PDE4D: variants seen among roughly 807,000 people sequenced by gnomAD.
The protein encoded by PDE4D is phosphodiesterase 4D, also known as 3',5'-cyclic-AMP phosphodiesterase 4D.
A neutral mutation model predicts 87.4 loss-of-function variants in PDE4D; 24 were observed. That is an observed-to-expected ratio of 0.27 (90% confidence interval 0.20 to 0.39). The LOEUF is 0.39. Ranked by LOEUF, PDE4D falls within the 10% of genes least tolerant of loss-of-function variation. PDE4D has a pLI of 1.00. For synonymous variants in PDE4D, 384 were observed against 383.2 expected (o/e 1.00, Z -0.02); for missense variants, 714 against 1,041.0 (o/e 0.69, Z 4.32).
intron 1 of PDE4D, among the ~76,000 whole-genome samples, chr5:59,792,438 G>GTGTGTGTGTGTGTGTT (rs1491110404): frequency 6.7e-6 from 1 of 148,866 alleles, no homozygotes; most frequent in African/African-American, 2.5e-5. Flanking sequence ...GTGTGTGTGT[G>GTGTGTGTGTGTGTGTT]TTTTGAGGAA....
intron 3 of PDE4D, among the ~76,000 whole-genome samples, chr5:59,984,462 T>G (rs932903381): frequency 6.6e-6 from 1 of 152,226 alleles, no homozygotes; most frequent in Non-Finnish European, 1.5e-5. Context: ...AATTCTGTTT[T>G]CTGTTCATTT....
intron 1 of PDE4D, among the ~76,000 whole-genome samples, chr5:59,429,351 G>C (rs978323436): frequency 3.3e-5 from 5 of 152,098 alleles, no homozygotes; most frequent in Non-Finnish European, 7.4e-5. Context: ...TGATACTCTG[G>C]AGAAAAGAAT....
chr5:60,329,973 C>T (rs903348440), intron 1 of PDE4D, among the ~76,000 whole-genome samples: 1 of 152,214 alleles, frequency 6.6e-6, no homozygotes, highest in Non-Finnish European at 1.5e-5. Flanking sequence ...TGTCAGTGAG[C>T]AAACAGCTCT....
At chr5:59,608,757 G>C (rs986326444) in intron 1 of PDE4D, among the ~76,000 whole-genome samples, 1 of 152,086 alleles carries the variant, frequency 6.6e-6, no homozygotes, top group African/African-American at 2.4e-5. Context: ...CATCTTTGTA[G>C]AGTCCCCCTC....
intron 1 of PDE4D, among the ~76,000 whole-genome samples, chr5:60,423,769 G>T (rs1743362620): frequency 6.6e-6 from 1 of 151,916 alleles, no homozygotes; most frequent in African/African-American, 2.4e-5. Flanking sequence ...TTGGTTTTTT[G>T]AAAAGATCAA....
intron 1 of PDE4D, chr5:59,356,936 A>T: frequency 6.4e-6 from 9 of 1,403,108 alleles, no homozygotes; most frequent in Non-Finnish European, 7.3e-6. Context: ...ACGGAGCAGG[A>T]GGCACTTGTA....
intron 1 of PDE4D, among the ~76,000 whole-genome samples, chr5:60,388,417 A>G (rs115657154): frequency 0.023 from 3,453 of 151,698 alleles, 124 homozygotes; most frequent in African/African-American, 0.08. Context: ...TGGGATAAAT[A>G]TGCAGAACGT....
intron 1 of PDE4D, among the ~76,000 whole-genome samples, chr5:59,551,492 C>CAT (rs1818116062): frequency 6.6e-6 from 1 of 151,550 alleles, no homozygotes; most frequent in East Asian, 1.9e-4. Context: ...CACACACACA[C>CAT]ACAAATACAT....
chr5:60,210,005 A>G (rs1233170506), intron 1 of PDE4D, among the ~76,000 whole-genome samples: 1 of 152,200 alleles, frequency 6.6e-6, no homozygotes, highest in Non-Finnish European at 1.5e-5. Context: ...AGGAAAATAC[A>G]CAGCAGCTCA....
chr5:59,747,333 C>CATA, intron 1 of PDE4D, among the ~76,000 whole-genome samples: 1 of 152,306 alleles, frequency 6.6e-6, no homozygotes, highest in South Asian at 2.1e-4. Context: ...AATATGGCAG[C>CATA]ATAATCACTT....
chr5:60,242,630 T>G (rs1747258937), intron 1 of PDE4D, among the ~76,000 whole-genome samples: 1 of 152,022 alleles, frequency 6.6e-6, no homozygotes, highest in Non-Finnish European at 1.5e-5. Flanking sequence ...TAATATCAAC[T>G]ATCTCCTCCA....
At chr5:60,320,576 C>G (rs770741194) in intron 1 of PDE4D, among the ~76,000 whole-genome samples, 2 of 152,166 alleles carry the variant, frequency 1.3e-5, no homozygotes, top group East Asian at 3.9e-4. Context: ...GCATCGCTCA[C>G]GCTGGGAGCT....
chr5:59,071,208 A>G (rs1286033092), intron 5 of PDE4D, among the ~76,000 whole-genome samples: 1 of 152,166 alleles, frequency 6.6e-6, no homozygotes, highest in Non-Finnish European at 1.5e-5. Context: ...TGATCCTTCT[A>G]TACGATACGA....
At chr5:59,683,953 G>A (rs1168320700) in intron 1 of PDE4D, among the ~76,000 whole-genome samples, 1 of 152,102 alleles carries the variant, frequency 6.6e-6, no homozygotes, top group African/African-American at 2.4e-5. Context: ...GCCAAGACCC[G>A]ATGCCCCATA....
At chr5:59,194,308 C>T (rs1422519975) in intron 2 of PDE4D, among the ~76,000 whole-genome samples, 3 of 152,198 alleles carry the variant, frequency 2.0e-5, no homozygotes, top group Non-Finnish European at 4.4e-5. Flanking sequence ...TCCAGAGTCA[C>T]CATCAGCTAT....
intron 2 of PDE4D, among the ~76,000 whole-genome samples, chr5:60,013,391 A>G (rs548634855): frequency 1.3e-5 from 2 of 152,336 alleles, no homozygotes; most frequent in African/African-American, 4.8e-5. Context: ...TAGTCCATTC[A>G]AAACCTAACT....
chr5:59,736,869 G>A (rs1758142802), intron 1 of PDE4D, among the ~76,000 whole-genome samples: 1 of 152,084 alleles, frequency 6.6e-6, no homozygotes, highest in South Asian at 2.1e-4. Flanking sequence ...TTCAAAGGTA[G>A]GATTATAACG....
At position 59,966,660 on chromosome 5, in the gene PDE4D, A is replaced by G. The variant is rs544249960; in HGVS notation, c.272+21828T>C. Among the ~76,000 whole-genome samples the G allele has an allele frequency of 6.6e-5, 10 of 152,328 alleles. No homozygotes were observed. In the South Asian group the frequency reaches 1.7e-3, roughly 25 times the overall value. ...TGCCAATTTTATTTTTGCAAATGTC[A>G]TCTGAGTTTGGTTTTCTCATCAATT... On this transcript the variant is annotated intron_variant, in intron 3 of 16. Coordinates refer to the PDE4D transcript ENST00000502484.
At chr5:59,248,816 G>A (rs1183350097) in intron 1 of PDE4D, among the ~76,000 whole-genome samples, 1 of 152,032 alleles carries the variant, frequency 6.6e-6, no homozygotes, top group East Asian at 1.9e-4. Context: ...GTCCTGAGAC[G>A]TATAGTGGGA....
Sources: gnomAD v4.1 joint callset for allele counts (sites outside exome capture counted in the v4.1 genomes callset) on GRCh38, gnomAD v4.1.1 for gene constraint, MANE v1.5 for transcripts, NCBI Gene and HGNC (gene_info 2026-07-23, HGNC 2026-07-21) for gene names.